PTPRD: variants seen among roughly 807,000 people sequenced by gnomAD.
PTPRD encodes the protein protein tyrosine phosphatase receptor type D.
A neutral mutation model predicts 214.5 loss-of-function variants in PTPRD; 34 were observed. The ratio of observed to expected loss-of-function variants is 0.16; its 90% CI spans 0.12 to 0.21. The LOEUF is 0.21. PTPRD is among the 10% of genes least tolerant of loss of function. PTPRD has a pLI of 1.00. For missense variants in PTPRD, 2,545 were observed against 2,398.7 expected (o/e 1.06, Z -1.27); for synonymous variants, 1,128 against 845.7 (o/e 1.33, Z -5.79).
intron 5 of PTPRD, among the ~76,000 whole-genome samples, chr9:9,876,097 A>T (rs1006192423): frequency 6.6e-6 from 1 of 152,106 alleles, no homozygotes; most frequent in Non-Finnish European, 1.5e-5. Flanking sequence ...GGCCATGCAT[A>T]GGCCAGTAAG....
intron 12 of PTPRD, among the ~76,000 whole-genome samples, chr9:8,701,083 C>T (rs901768237): frequency 2.0e-5 from 3 of 151,964 alleles, no homozygotes; most frequent in East Asian, 3.9e-4. Context: ...ATCACTTGAA[C>T]CCGGGAGGTG....
chr9:10,559,627 C>T (rs1403738923), intron 2 of PTPRD, among the ~76,000 whole-genome samples: 1 of 151,870 alleles, frequency 6.6e-6, no homozygotes, highest in South Asian at 2.1e-4. Context: ...AGGCAACCCA[C>T]AAAATGGGAG....
intron 5 of PTPRD, among the ~76,000 whole-genome samples, chr9:9,888,465 G>A (rs1357449429): frequency 6.6e-6 from 1 of 152,114 alleles, no homozygotes; most frequent in Non-Finnish European, 1.5e-5. Context: ...CTAATAGGTG[G>A]TGTTTGGGTC....
chr9:8,911,440 TGAGA>T (rs35690626), intron 11 of PTPRD, among the ~76,000 whole-genome samples: 78 of 149,104 alleles, frequency 5.2e-4, no homozygotes, highest in Admixed American at 1.1e-3. Context: ...TGTGTGTGTG[TGAGA>T]GAGAGAGAGA....
rs113819887 is a variant in PTPRD at position 9,598,287 on chromosome 9, T to C, written c.-286-23506A>G. Among the ~76,000 whole-genome samples the C allele has an allele frequency of 1.1e-3, 162 of 152,084 alleles. 3 individuals are homozygous for C. The highest frequency in any genetic ancestry group is 3.8e-3 in the African/African-American group (159 of 41,512). ...CCTTTCTTCACCCCCTTGGACAAGA[T>C]GCCTTAACTACTGTATATGGTAGAA... On this transcript the variant is annotated intron_variant, in intron 7 of 45. Transcript: ENST00000381196.
At chr9:10,129,499 C>CTTTTT (rs35281382) in intron 3 of PTPRD, among the ~76,000 whole-genome samples, 2 of 125,824 alleles carry the variant, frequency 1.6e-5, no homozygotes, top group Admixed American at 8.2e-5. Flanking sequence ...TTTTTCTTTC[C>CTTTTT]TTTTTTTTTT....
At chr9:8,808,076 C>G (rs1293839196) in intron 11 of PTPRD, among the ~76,000 whole-genome samples, 1 of 152,154 alleles carries the variant, frequency 6.6e-6, no homozygotes, top group Non-Finnish European at 1.5e-5. Context: ...TTGATTTCCC[C>G]CTGCTCTTCA....
Position 8,829,325 on chromosome 9 carries a change from C to T in PTPRD, c.-103-95379G>A, listed in dbSNP as rs186693389. On this transcript the variant is annotated intron_variant, in intron 11 of 45. Coordinates refer to ENST00000381196, the MANE Select transcript of PTPRD (RefSeq NM_002839.4). ...CATCCTATGCCAAGGCAATCACTGT[C>T]ATGATTTTTGTCACTATAGATTAGT... Among the ~76,000 whole-genome samples the T allele has an allele frequency of 5.0e-3, 764 of 152,274 alleles. 3 individuals are homozygous for T. Among genetic ancestry groups the T allele is most frequent in the Non-Finnish European group, 6.2e-3 (419 of 68,018 alleles).
In PTPRD at chr9:8,521,549, G is replaced by A. The variant is rs1292962025; in HGVS notation, c.692-3C>T. On this transcript the variant is annotated splice_polypyrimidine_tract_variant and splice_region_variant and intron_variant, in intron 19 of 45. Coordinates refer to ENST00000381196, the MANE Select transcript of PTPRD (RefSeq NM_002839.4). The stretch of plus-strand genomic sequence containing the variant: ...GAATCTTGGTGGGACACGGCGAACT[G>A]GAACAAAACACAAGGGAAATGATAA... 1 of 1,611,998 alleles carries A rather than the reference G, an allele frequency of 6.2e-7. No individual in the cohort carries two copies. The highest frequency in any genetic ancestry group is 8.5e-7 in the Non-Finnish European group (1 of 1,178,920).
At chr9:9,479,997 C>T (rs1339433165) in intron 8 of PTPRD, among the ~76,000 whole-genome samples, 1 of 152,146 alleles carries the variant, frequency 6.6e-6, no homozygotes, top group African/African-American at 2.4e-5. Flanking sequence ...AATTTCTTCT[C>T]TTTTCATGAG....
At chr9:8,816,243 A>G (rs773205232) in intron 11 of PTPRD, among the ~76,000 whole-genome samples, 8 of 152,244 alleles carry the variant, frequency 5.3e-5, no homozygotes, top group Non-Finnish European at 1.2e-4. Flanking sequence ...TGCACTTAAC[A>G]GAATATGATC....
At chr9:10,418,551 G>C (rs915199662) in intron 2 of PTPRD, among the ~76,000 whole-genome samples, 4 of 147,788 alleles carry the variant, frequency 2.7e-5, no homozygotes, top group Non-Finnish European at 4.5e-5. Context: ...TCACCATCTG[G>C]CATACCTGTT....
chr9:8,547,966 T>C (rs2080755980), intron 14 of PTPRD, among the ~76,000 whole-genome samples: 1 of 152,132 alleles, frequency 6.6e-6, no homozygotes, highest in South Asian at 2.1e-4. Context: ...GCAAAAACAG[T>C]CCCTTAAAAG....
At chr9:9,607,886 A>G (rs2094274772) in intron 7 of PTPRD, among the ~76,000 whole-genome samples, 1 of 152,138 alleles carries the variant, frequency 6.6e-6, no homozygotes, top group African/African-American at 2.4e-5. Context: ...AAAAAAATTT[A>G]GAAAACGCAC....
intron 22 of PTPRD, among the ~76,000 whole-genome samples, chr9:8,504,732 T>C (rs2097503369): frequency 1.3e-5 from 2 of 152,206 alleles, no homozygotes; most frequent in African/African-American, 4.8e-5. Context: ...AATGTGTGTA[T>C]GTTGCTGTGA....
chr9:9,951,216 GA>G (rs901791429), intron 4 of PTPRD, among the ~76,000 whole-genome samples: 1 of 151,664 alleles, frequency 6.6e-6, no homozygotes, highest in Non-Finnish European at 1.5e-5. Flanking sequence ...AGCTTTGAGG[GA>G]AAAAAAAGTG....
At chr9:9,956,319 T>G (rs1419199117) in intron 4 of PTPRD, among the ~76,000 whole-genome samples, 1 of 151,530 alleles carries the variant, frequency 6.6e-6, no homozygotes, top group Non-Finnish European at 1.5e-5. Context: ...TGGTGAGTGT[T>G]ATGAGACAAA....
At chr9:8,399,304 CTTGCAAAGAGA>C (rs1242386459) in intron 36 of PTPRD, among the ~76,000 whole-genome samples, 13 of 152,070 alleles carry the variant, frequency 8.5e-5, no homozygotes, top group Non-Finnish European at 1.8e-4. Context: ...GGAGAATGGG[CTTGCAAAGAGA>C]TTGTATATGC....
At chr9:10,032,228 G>C (rs1221267291) in intron 4 of PTPRD, among the ~76,000 whole-genome samples, 1 of 152,098 alleles carries the variant, frequency 6.6e-6, no homozygotes, top group Non-Finnish European at 1.5e-5. Flanking sequence ...TCTTACTATA[G>C]CCATTTAATT....
Sources: gnomAD v4.1 joint callset for allele counts (sites outside exome capture counted in the v4.1 genomes callset) on GRCh38, gnomAD v4.1.1 for gene constraint, MANE v1.5 for transcripts, NCBI Gene and HGNC (gene_info 2026-07-23, HGNC 2026-07-21) for gene names.